The following ATP10B variants were observed in gnomAD, a reference collection of about 807,000 sequenced individuals.
The protein encoded by ATP10B is phospholipid-transporting ATPase VB.
In ATP10B, 122 loss-of-function variants were observed where a neutral mutation model predicts 141.2. That is an observed-to-expected ratio of 0.86 (90% CI 0.75 to 1.00). The LOEUF (loss-of-function observed/expected upper bound fraction) is 1.00, where lower values mean the gene tolerates loss of function less well. ATP10B is among the 50% of genes least tolerant of loss of function. The probability of loss-of-function intolerance (pLI) is 0.00; values close to 1 mark genes in which losing one functional copy is unlikely to be tolerated. For synonymous variants in ATP10B, 685 were observed against 692.0 expected, an observed-to-expected ratio of 0.99 and a Z score of 0.16; for missense variants, 1,876 against 1,825.3, an observed-to-expected ratio of 1.03 and a Z score of -0.51.
chr5:160,874,561 A>C, the ATP10B span, among the ~76,000 whole-genome samples: 1 of 152,188 alleles, frequency 6.6e-6, no homozygotes. Flanking sequence ...TGAGAGAAGA[A>C]GGCTTCAGAT....
intron 2 of ATP10B, among the ~76,000 whole-genome samples, chr5:160,739,891 A>G (rs964320449): frequency 6.6e-6 from 1 of 152,184 alleles, no homozygotes; most frequent in Non-Finnish European, 1.5e-5. Context: ...TGCCCAGGCT[A>G]GATTTCAGCT....
chr5:160,832,116 AATC>A (rs72449230), intron 1 of ATP10B, among the ~76,000 whole-genome samples: 48,924 of 151,694 alleles, frequency 0.32, 9,216 homozygotes, highest in East Asian at 0.44. Flanking sequence ...TAGCAATAAT[AATC>A]ATAATAATGC....
At chr5:160,924,305 C>T in the ATP10B span, among the ~76,000 whole-genome samples, 1 of 152,216 alleles carries the variant, frequency 6.6e-6, no homozygotes, top group Non-Finnish European at 1.5e-5. Context: ...GTGTTGCCAC[C>T]TTCAGCTGGG....
At chr5:160,730,764 C>T (rs1766682730) in intron 2 of ATP10B, among the ~76,000 whole-genome samples, 2 of 152,260 alleles carry the variant, frequency 1.3e-5, no homozygotes, top group South Asian at 4.1e-4. Context: ...CCAGTCCCAG[C>T]ACCATGTTTC....
intron 3 of ATP10B, among the ~76,000 whole-genome samples, chr5:160,700,623 G>T (rs9313853): frequency 0.017 from 2,620 of 152,316 alleles, 76 homozygotes; most frequent in African/African-American, 0.058. Context: ...CTTTTTCATA[G>T]GTGCTTTGGG....
upstream of ATP10B, among the ~76,000 whole-genome samples, chr5:160,854,806 T>C (rs1753957700): frequency 6.6e-6 from 1 of 152,202 alleles, no homozygotes; most frequent in Non-Finnish European, 1.5e-5. Context: ...CTGAGTACTT[T>C]GTGCCAGCAC....
intron 3 of ATP10B, among the ~76,000 whole-genome samples, chr5:160,691,178 G>A (rs945885412): frequency 6.6e-6 from 1 of 152,094 alleles, no homozygotes; most frequent in African/African-American, 2.4e-5. Context: ...GACACAGGGA[G>A]GGGAATATCA....
chr5:160,843,217 A>T (rs1265348839), intron 1 of ATP10B, among the ~76,000 whole-genome samples: 2 of 152,154 alleles, frequency 1.3e-5, no homozygotes, highest in African/African-American at 4.8e-5. Context: ...GAGATAAGTC[A>T]TATAATCACT....
rs972070392 is a variant in ATP10B, at chr5:160,565,302, G to A, written c.*151C>T. Reference sequence around the variant, plus strand: ...TTCCCGTCTTTGTGTCAGACCCCTTGGGGCCAGCACTTCCTCCATGGAAGT... The same window carrying A: ...TTCCCGTCTTTGTGTCAGACCCCTTAGGGCCAGCACTTCCTCCATGGAAGT... On this transcript the variant is annotated 3_prime_UTR_variant, in exon 26 of 26. Coordinates refer to ENST00000327245, the MANE Select transcript of ATP10B (RefSeq NM_025153.3). The A allele has an allele frequency of 3.8e-6, 3 of 788,960 alleles. No individual in the cohort carries two copies. Among genetic ancestry groups the A allele is most frequent in the Non-Finnish European group, 6.0e-6 (3 of 497,804 alleles). The allele number at this position is 788,960 out of a possible 1,614,324, so 48.9% of individuals were successfully genotyped here. A position where few individuals can be genotyped will look rare whatever the true frequency, so the allele number is the denominator to read the frequency against.
chr5:160,649,481 C>T (rs968827253), intron 7 of ATP10B, among the ~76,000 whole-genome samples: 7 of 152,088 alleles, frequency 4.6e-5, no homozygotes, highest in Admixed American at 3.9e-4. Flanking sequence ...AGGTGATTAC[C>T]CTGATTGCAT....
intron 1 of ATP10B, among the ~76,000 whole-genome samples, chr5:160,827,784 C>CA (rs1774743919): frequency 6.6e-6 from 1 of 152,168 alleles, no homozygotes; most frequent in African/African-American, 2.4e-5. Context: ...CATTCACCTG[C>CA]ATATGGCTAG....
At chr5:160,826,998 C>T (rs527820310) in intron 1 of ATP10B, among the ~76,000 whole-genome samples, 6 of 152,242 alleles carry the variant, frequency 3.9e-5, no homozygotes, top group African/African-American at 1.4e-4. Flanking sequence ...CTGCCTTTTG[C>T]CCTGGTCCTG....
chr5:160,675,325 C>T lies in ATP10B; in HGVS notation c.471-4658G>A, dbSNP rs146379815. Among the ~76,000 whole-genome samples the T allele has an allele frequency of 1.3e-4, 20 of 152,282 alleles. No homozygotes were observed. In the East Asian group the frequency reaches 3.5e-3, roughly 26 times the overall value. On this transcript the variant is annotated intron_variant, in intron 6 of 25. Transcript: ENST00000327245. ...AAATCAACATGGCTCGGGATGAAGG[C>T]TCCATCTGGCAGATTCTGCCACGAG...
chr5:160,700,377 C>T (rs1764602322), intron 3 of ATP10B, among the ~76,000 whole-genome samples: 1 of 152,116 alleles, frequency 6.6e-6, no homozygotes, highest in South Asian at 2.1e-4. Flanking sequence ...TCCTTAAGAC[C>T]CATATACATC....
intron 18 of ATP10B, among the ~76,000 whole-genome samples, chr5:160,611,601 C>A (rs1359070490): frequency 6.6e-6 from 1 of 152,124 alleles, no homozygotes; most frequent in Non-Finnish European, 1.5e-5. Context: ...GGTCCTCTGG[C>A]ATTTTTCATA....
intron 2 of ATP10B, among the ~76,000 whole-genome samples, chr5:160,728,231 C>T (rs1371776981): frequency 2.0e-5 from 3 of 152,224 alleles, no homozygotes; most frequent in Admixed American, 6.5e-5. Flanking sequence ...ATGCCTGCCC[C>T]TCTTTAAGGA....
upstream of ATP10B, among the ~76,000 whole-genome samples, chr5:160,854,354 T>A (rs1310033529): frequency 1.3e-5 from 2 of 151,938 alleles, no homozygotes; most frequent in South Asian, 4.2e-4. Context: ...CAGGCCCCAG[T>A]GTGTGATGTT....
chr5:160,916,963 G>A, the ATP10B span, among the ~76,000 whole-genome samples: 2 of 152,218 alleles, frequency 1.3e-5, no homozygotes, highest in African/African-American at 4.8e-5. Context: ...GAGATCAGGA[G>A]TGCCTGTGCT....
chr5:160,717,771 T>G (rs1245397679), intron 2 of ATP10B, among the ~76,000 whole-genome samples: 2 of 152,208 alleles, frequency 1.3e-5, no homozygotes, highest in East Asian at 3.9e-4. Context: ...CATACTTGTC[T>G]GACTTCAGAA....
Sources: allele counts gnomAD v4.1 joint callset (sites outside exome capture counted in the v4.1 genomes callset), GRCh38; gene constraint gnomAD v4.1.1; transcripts MANE v1.5; gene names NCBI Gene and HGNC (gene_info 2026-07-23, HGNC 2026-07-21).